TENM1: variants seen among roughly 807,000 people sequenced by gnomAD.
TENM1 encodes teneurin-1.
TENM1 carries 35 observed loss-of-function variants against 174.8 expected under a neutral mutation model. The ratio of observed to expected loss-of-function variants is 0.20; its 90% confidence interval spans 0.15 to 0.27. The LOEUF is 0.27. TENM1 is among the 10% of genes least tolerant of loss of function. The pLI is 1.00. For synonymous variants in TENM1, 781 were observed against 798.7 expected, an observed-to-expected ratio of 0.98 and a Z score of 0.37; for missense variants, 1,633 against 2,130.1, an observed-to-expected ratio of 0.77 and a Z score of 4.59.
intron 11 of TENM1, among the ~76,000 whole-genome samples, chrX:124,598,980 T>C (rs906798610): frequency 1.8e-5 from 2 of 111,727 alleles, no homozygotes; most frequent in South Asian, 7.6e-4. Context: ...GTGATTATTA[T>C]ACACTGCATG....
the TENM1 span, among the ~76,000 whole-genome samples, chrX:125,046,968 C>A: frequency 9.1e-6 from 1 of 109,496 alleles, no homozygotes; most frequent in African/African-American, 3.3e-5. Flanking sequence ...AATAGAAATA[C>A]TCAAAAGGAG....
chrX:124,815,833 A>C (rs920012318), intron 3 of TENM1, among the ~76,000 whole-genome samples: 2 of 111,737 alleles, frequency 1.8e-5, no homozygotes, highest in African/African-American at 6.5e-5. Context: ...AATATTAGAT[A>C]GAATAGAAAG....
intron 1 of TENM1, among the ~76,000 whole-genome samples, chrX:124,952,512 G>T (rs1241239043): frequency 9.0e-6 from 1 of 110,996 alleles, no homozygotes; most frequent in African/African-American, 3.3e-5. Context: ...GGTAATTTTT[G>T]ACCATATTTA....
At chrX:124,834,235 G>A (rs1032093432) in intron 3 of TENM1, among the ~76,000 whole-genome samples, 2 of 111,790 alleles carry the variant, frequency 1.8e-5, no homozygotes, top group African/African-American at 6.5e-5. Context: ...GCAGTGGTGC[G>A]ATCTCAGCTC....
intron 3 of TENM1, among the ~76,000 whole-genome samples, chrX:124,886,352 C>T (rs2057383242): frequency 1.8e-5 from 2 of 109,523 alleles, no homozygotes; most frequent in South Asian, 7.7e-4. Flanking sequence ...TTCAAGTTTG[C>T]TTTCATGTAA....
intron 1 of TENM1, among the ~76,000 whole-genome samples, chrX:124,900,681 T>G (rs1415266817): frequency 9.0e-6 from 1 of 111,664 alleles, no homozygotes; most frequent in Non-Finnish European, 1.9e-5. Flanking sequence ...AAAGTAAATG[T>G]AACACGAACA....
intron 20 of TENM1, among the ~76,000 whole-genome samples, chrX:124,494,784 T>C (rs1168897482): frequency 1.8e-5 from 2 of 108,776 alleles, no homozygotes; most frequent in Non-Finnish European, 3.8e-5. Context: ...GCTCTTGCGA[T>C]AGTTTACTGA....
intron 10 of TENM1, among the ~76,000 whole-genome samples, chrX:124,643,020 C>T (rs1184367700): frequency 9.0e-6 from 1 of 111,130 alleles, no homozygotes; most frequent in Non-Finnish European, 1.9e-5. Flanking sequence ...GGTGTTATTG[C>T]CACTATAATT....
At chrX:124,782,334 C>A (rs1281180673) in intron 3 of TENM1, among the ~76,000 whole-genome samples, 3 of 111,257 alleles carry the variant, frequency 2.7e-5, no homozygotes, top group Non-Finnish European at 5.7e-5. Context: ...AATTCACTGG[C>A]TATCATATTG....
intron 4 of TENM1, among the ~76,000 whole-genome samples, chrX:124,716,766 G>A (rs2053192518): frequency 9.0e-6 from 1 of 111,382 alleles, no homozygotes; most frequent in African/African-American, 3.3e-5. Context: ...ACACGCCACT[G>A]GAAAAGGAAA....
intron 1 of TENM1, among the ~76,000 whole-genome samples, chrX:124,910,235 C>G (rs1287219572): frequency 1.8e-5 from 2 of 112,297 alleles, no homozygotes; most frequent in African/African-American, 6.5e-5. Context: ...ATGCAAACAG[C>G]AACAATGACA....
chrX:125,156,855 T>G, the TENM1 span, among the ~76,000 whole-genome samples: 4 of 112,643 alleles, frequency 3.6e-5, no homozygotes, highest in Non-Finnish European at 7.5e-5. Flanking sequence ...ACAAAAATGT[T>G]GGTTTTTGAA....
At chrX:125,058,505 A>C in the TENM1 span, among the ~76,000 whole-genome samples, 1 of 111,965 alleles carries the variant, frequency 8.9e-6, no homozygotes, top group African/African-American at 3.2e-5. Context: ...TCTTGTAAAT[A>C]GATATGAAAG....
the TENM1 span, among the ~76,000 whole-genome samples, chrX:125,127,435 C>G: frequency 9.0e-6 from 1 of 111,480 alleles, no homozygotes; most frequent in Non-Finnish European, 1.9e-5. Flanking sequence ...ATGAAGATAA[C>G]TTTTAGAAGC....
At chrX:124,533,500 T>C (rs955161650) in intron 15 of TENM1, among the ~76,000 whole-genome samples, 6 of 111,098 alleles carry the variant, frequency 5.4e-5, no homozygotes, top group African/African-American at 2.0e-4. Context: ...CCCTGTTTCC[T>C]CTTCCAGAGA....
At chrX:124,524,307 T>C (rs186550309) in intron 16 of TENM1, among the ~76,000 whole-genome samples, 1 of 112,352 alleles carries the variant, frequency 8.9e-6, no homozygotes, top group East Asian at 2.8e-4. Flanking sequence ...TTTAGCAGCA[T>C]CTTTGAGAAT....
chrX:125,194,780 C>T, the TENM1 span, among the ~76,000 whole-genome samples: 1 of 111,882 alleles, frequency 8.9e-6, no homozygotes, highest in Non-Finnish European at 1.9e-5. Flanking sequence ...TGGTATTCCC[C>T]ATTGCTAATT....
intron 3 of TENM1, among the ~76,000 whole-genome samples, chrX:124,891,676 T>C (rs1194586951): frequency 9.2e-6 from 1 of 108,491 alleles, no homozygotes; most frequent in Non-Finnish European, 1.9e-5. Context: ...AAAAATCACA[T>C]GTACCCATAA....
chrX:124,620,513 C>A (rs2050493740), intron 11 of TENM1, among the ~76,000 whole-genome samples: 1 of 112,050 alleles, frequency 8.9e-6, no homozygotes, highest in Non-Finnish European at 1.9e-5. Context: ...TAAAAACTTT[C>A]TAATGTAAAT....
Sources: allele counts gnomAD v4.1 joint callset (sites outside exome capture counted in the v4.1 genomes callset), GRCh38; gene constraint gnomAD v4.1.1; transcripts MANE v1.5; gene names NCBI Gene and HGNC (gene_info 2026-07-23, HGNC 2026-07-21).